The following COBLL1 variants were observed in gnomAD, a reference collection of about 807,000 sequenced individuals.
COBLL1 encodes the protein cordon-bleu protein-like 1.
Under a neutral mutation model 94.8 loss-of-function variants are expected in COBLL1, and 50 were observed. That is an observed-to-expected ratio of 0.53 (90% confidence interval 0.42 to 0.67). The LOEUF is 0.67. Ranked by LOEUF, COBLL1 falls within the 30% of genes least tolerant of loss-of-function variation. COBLL1 has a pLI of 0.00. For synonymous variants in COBLL1, 448 were observed against 473.8 expected, an observed-to-expected ratio of 0.95 and a Z score of 0.71; for missense variants, 1,362 against 1,348.7, an observed-to-expected ratio of 1.01 and a Z score of -0.15.
intron 4 of COBLL1, among the ~76,000 whole-genome samples, chr2:164,729,345 C>T (rs1308611242): frequency 1.3e-5 from 2 of 151,426 alleles, no homozygotes. Flanking sequence ...TACCCTATTG[C>T]TTATAGCAAT....
intron 7 of COBLL1, among the ~76,000 whole-genome samples, chr2:164,708,174 T>C (rs1684703504): frequency 6.6e-6 from 1 of 152,156 alleles, no homozygotes; most frequent in African/African-American, 2.4e-5. Context: ...ACTTCTCTCC[T>C]ACTAGTTGGT....
intron 2 of COBLL1, among the ~76,000 whole-genome samples, chr2:164,784,167 T>C (rs1260951216): frequency 6.6e-6 from 1 of 152,254 alleles, no homozygotes; most frequent in Non-Finnish European, 1.5e-5. Flanking sequence ...TTTCAAAGTA[T>C]TCACAGCATT....
Position 164,681,745 on chromosome 2 carries a change from T to G in COBLL1, c.*4201A>C, listed in dbSNP as rs888659290. The stretch of plus-strand genomic sequence containing the variant: ...TTTGCAACTGTAGCATTTTTTTTCT[T>G]CTCCAAGAAAAGTAATTAGCAAGAC... On this transcript the variant is annotated 3_prime_UTR_variant, in exon 14 of 14. Coordinates refer to ENST00000652658, the MANE Select transcript of COBLL1 (RefSeq NM_001365672.2). The G allele has an allele frequency of 6.6e-6, 1 of 152,168 alleles. No homozygotes were observed. The highest frequency in any genetic ancestry group is 2.4e-5 in the African/African-American group (1 of 41,436). 9.4% of individuals were successfully genotyped at this position (152,168 alleles called of 1,614,324 possible). A position where few individuals can be genotyped will look rare whatever the true frequency, so the allele number is the denominator to read the frequency against.
At chr2:164,717,156 G>A (rs1369830550) in intron 7 of COBLL1, among the ~76,000 whole-genome samples, 1 of 151,650 alleles carries the variant, frequency 6.6e-6, no homozygotes, top group African/African-American at 2.4e-5. Context: ...AATGTGCTTT[G>A]GAGAAAAAAA....
chr2:164,687,428 G>T, intron 13 of COBLL1: 1 of 1,038,194 alleles, frequency 9.6e-7, no homozygotes, highest in Non-Finnish European at 1.5e-6. Flanking sequence ...TTTGAGAAGT[G>T]GATCGTCTGG....
chr2:164,759,853 A>G (rs530533468), intron 2 of COBLL1, among the ~76,000 whole-genome samples: 2 of 152,358 alleles, frequency 1.3e-5, no homozygotes, highest in Non-Finnish European at 2.9e-5. Flanking sequence ...AGCTATGATG[A>G]TCTACCACTA....
intron 3 of COBLL1, among the ~76,000 whole-genome samples, chr2:164,731,562 T>C (rs749359997): frequency 5.3e-5 from 8 of 152,196 alleles, no homozygotes; most frequent in Non-Finnish European, 1.2e-4. Context: ...CAGGTGATCC[T>C]AAACTGTTAG....
At chr2:164,794,035 T>C (rs1683316412) in intron 2 of COBLL1, among the ~76,000 whole-genome samples, 1 of 152,170 alleles carries the variant, frequency 6.6e-6, no homozygotes, top group South Asian at 2.1e-4. Context: ...TAGTCTCCTA[T>C]TTATTAATAC....
chr2:164,799,270 G>A (rs1318785453), intron 2 of COBLL1, among the ~76,000 whole-genome samples: 5 of 152,140 alleles, frequency 3.3e-5, no homozygotes, highest in South Asian at 2.1e-4. Flanking sequence ...GCCAAGTAAA[G>A]AGAAGGGGTT....
intron 2 of COBLL1, among the ~76,000 whole-genome samples, chr2:164,819,021 T>C (rs1462330603): frequency 6.6e-6 from 1 of 151,980 alleles, no homozygotes; most frequent in Non-Finnish European, 1.5e-5. Context: ...TCCTCCTGCC[T>C]CAGCCTCTCA....
intron 2 of COBLL1, among the ~76,000 whole-genome samples, chr2:164,665,410 G>A (rs1273485782): frequency 1.3e-5 from 2 of 150,980 alleles, no homozygotes; most frequent in African/African-American, 4.9e-5. Context: ...CATGTTGATG[G>A]TCACGAAAAA....
chr2:164,674,344 C>A (rs1163020732), intron 1 of COBLL1, among the ~76,000 whole-genome samples: 2 of 152,142 alleles, frequency 1.3e-5, no homozygotes, highest in East Asian at 1.9e-4. Context: ...CAGGCGTGAA[C>A]CACTGCGCCC....
rs1027933549 is a variant in COBLL1, at chr2:164,685,993, A to G, written c.3340T>C (p.Ser1114Pro). Residue 1114 changes from serine (S) to proline (P), a missense_variant, in exon 14 of 14, where the codon TCA (serine) becomes CCA (proline). Ser to Pro is a moderately conservative substitution (Grantham distance 74). Transcript: ENST00000652658. ...PSNTISVNGR[S>P]RLSHSMSPDA... ...GGGGACATGGAATGGCTGAGTCTTG[A>G]CCTTCCATTCACAGATATTGTATTT... The G allele has an allele frequency of 1.9e-6, 3 of 1,609,094 alleles. No homozygotes were observed. The highest frequency in any genetic ancestry group is 1.7e-5 in the Admixed American group (1 of 59,496).
chr2:164,818,316 GTGTGTA>G (rs1684935663), intron 2 of COBLL1, among the ~76,000 whole-genome samples: 1 of 99,552 alleles, frequency 1.0e-5, no homozygotes, highest in African/African-American at 4.0e-5. Context: ...ACATATACAC[GTGTGTA>G]TGTATACATA....
In COBLL1 at chr2:164,737,303, T is replaced by C. The variant is rs567165760; in HGVS notation, c.230+6384A>G. Among the ~76,000 whole-genome samples, 44 of 152,306 alleles carry C rather than the reference T, an allele frequency of 2.9e-4. No individual in the cohort carries two copies. The South Asian group carries it at 9.1e-3, about 32-fold the overall frequency. ...TCTGAGGACATTTGTGAATACTTTG[T>C]CACCCCTTTCCCAACCAGGGGAGCA... is the stretch of plus-strand genomic sequence containing the variant. On this transcript the variant is annotated intron_variant, in intron 3 of 13. Transcript: ENST00000652658.
chr2:164,748,319 A>C (rs1380711379), intron 2 of COBLL1, among the ~76,000 whole-genome samples: 2 of 152,096 alleles, frequency 1.3e-5, no homozygotes, highest in Non-Finnish European at 2.9e-5. Context: ...AATTTTGAAA[A>C]TATCTTTTAC....
chr2:164,737,018 C>T (rs889723820), intron 3 of COBLL1, among the ~76,000 whole-genome samples: 1 of 151,892 alleles, frequency 6.6e-6, no homozygotes, highest in Non-Finnish European at 1.5e-5. Context: ...AAAATTAGTG[C>T]TGAGCACGGT....
chr2:164,801,458 A>C, intron 2 of COBLL1, among the ~76,000 whole-genome samples: 1 of 148,122 alleles, frequency 6.8e-6, no homozygotes, highest in African/African-American at 2.5e-5. Flanking sequence ...AAAAAAAAAA[A>C]AAAAAAAAAA....
chr2:164,789,003 G>A (rs958444072), intron 2 of COBLL1, among the ~76,000 whole-genome samples: 1 of 137,440 alleles, frequency 7.3e-6, no homozygotes, highest in East Asian at 2.0e-4. Flanking sequence ...GAGATTACCT[G>A]TAGGAGTAGA....
Sources: allele counts gnomAD v4.1 joint callset (sites outside exome capture counted in the v4.1 genomes callset), GRCh38; gene constraint gnomAD v4.1.1; transcripts MANE v1.5; gene names NCBI Gene and HGNC (gene_info 2026-07-23, HGNC 2026-07-21).